Variants in CSMD1 observed in about 807,000 individuals in gnomAD.
The protein encoded by CSMD1 is CUB and sushi domain-containing protein 1.
CSMD1 carries 213 observed loss-of-function variants against 417.5 expected under a neutral mutation model. The observed-to-expected ratio is 0.51, with a 90% CI of 0.46 to 0.57. The LOEUF is 0.57. CSMD1 is among the 20% of genes least tolerant of loss of function. CSMD1 has a pLI of 0.00. For synonymous variants in CSMD1, 2,862 were observed against 1,736.8 expected (o/e 1.65, Z -16.11); for missense variants, 6,923 against 4,529.7 (o/e 1.53, Z -15.17).
In CSMD1 at chr8:3,881,992, G is replaced by A. The variant is rs964540397; in HGVS notation, c.818+115911C>T. Among the ~76,000 whole-genome samples the A allele has an allele frequency of 6.6e-5, 10 of 152,142 alleles. No homozygotes were observed. The East Asian group carries it at 9.7e-4, about 15-fold the overall frequency. ...AAACAAATTTCCAATAACCAATCACGAGAGAATATTCTACGATGTCTGATG... is the reference window on the plus strand; with the variant it reads ...AAACAAATTTCCAATAACCAATCACAAGAGAATATTCTACGATGTCTGATG... On this transcript the variant is annotated intron_variant, in intron 5 of 69. Coordinates refer to ENST00000635120, the MANE Select transcript of CSMD1 (RefSeq NM_033225.6).
intron 53 of CSMD1, among the ~76,000 whole-genome samples, chr8:2,999,154 C>CTTTTT (rs33927768): frequency 1.7e-5 from 2 of 116,452 alleles, no homozygotes; most frequent in Non-Finnish European, 3.5e-5. Context: ...TTTTTTTTCC[C>CTTTTT]TTTTTTTTTT....
intron 8 of CSMD1, among the ~76,000 whole-genome samples, chr8:3,603,877 G>C (rs376695554): frequency 1.3e-5 from 2 of 152,112 alleles, no homozygotes; most frequent in Non-Finnish European, 2.9e-5. Context: ...AAATGATCTA[G>C]CAAATGGCCA....
intron 6 of CSMD1, among the ~76,000 whole-genome samples, chr8:3,746,177 T>A (rs1292008058): frequency 6.6e-6 from 1 of 152,230 alleles, no homozygotes; most frequent in African/African-American, 2.4e-5. Flanking sequence ...GCTGATACGC[T>A]GAAAAGAATA....
chr8:3,918,534 T>A (rs539107296), intron 5 of CSMD1, among the ~76,000 whole-genome samples: 3 of 152,170 alleles, frequency 2.0e-5, no homozygotes, highest in Non-Finnish European at 2.9e-5. Flanking sequence ...TTTTAATTTT[T>A]AATTTGTTTT....
chr8:4,167,153 T>C lies in CSMD1; in HGVS notation c.416-135054A>G, dbSNP rs1307580791. Among the ~76,000 whole-genome samples, 3 of 152,170 alleles carry C rather than the reference T, an allele frequency of 2.0e-5. No individual in the cohort carries two copies. In the South Asian group the frequency reaches 6.2e-4, roughly 32 times the overall value. On this transcript the variant is annotated intron_variant, in intron 3 of 69. Coordinates refer to ENST00000635120, the MANE Select transcript of CSMD1 (RefSeq NM_033225.6). ...GTTACTTAGGTGACATTTTTTTTTC[T>C]ACCTACTTCTGAAGTAGAAAACCAG...
At chr8:4,408,725 C>T (rs923715097) in intron 3 of CSMD1, among the ~76,000 whole-genome samples, 2 of 152,054 alleles carry the variant, frequency 1.3e-5, no homozygotes, top group Non-Finnish European at 2.9e-5. Context: ...GAATATGAAC[C>T]TTGTAGAGGT....
At chr8:4,375,138 T>C (rs149049335) in intron 3 of CSMD1, among the ~76,000 whole-genome samples, 1 of 152,180 alleles carries the variant, frequency 6.6e-6, no homozygotes, top group African/African-American at 2.4e-5. Context: ...CAACTGTAGA[T>C]AGGTGAAAAT....
intron 6 of CSMD1, among the ~76,000 whole-genome samples, chr8:3,739,838 A>C (rs1294905600): frequency 6.6e-6 from 1 of 152,210 alleles, no homozygotes; most frequent in African/African-American, 2.4e-5. Context: ...CAGACATTTT[A>C]CATTTGGGAC....
At chr8:3,947,824 G>C (rs1811337576) in intron 5 of CSMD1, among the ~76,000 whole-genome samples, 1 of 152,116 alleles carries the variant, frequency 6.6e-6, no homozygotes, top group Non-Finnish European at 1.5e-5. Flanking sequence ...GGTTCAAGTA[G>C]GTCACATTTG....
chr8:3,318,737 G>A (rs537751430), intron 23 of CSMD1, among the ~76,000 whole-genome samples: 1 of 152,118 alleles, frequency 6.6e-6, no homozygotes, highest in Non-Finnish European at 1.5e-5. Context: ...TAGCTGGAGT[G>A]TCACGGTTCC....
chr8:4,032,118 A>AAAAGT lies in CSMD1; in HGVS notation c.416-20_416-19insACTTT. ...GGTAAAACTATTGGAAAAAGAAAAG[A>AAAAGT]AAGGAGAAAAAACAAGTTAAATTTT... is the stretch of plus-strand genomic sequence containing the variant. On this transcript the variant is annotated intron_variant, in intron 3 of 69. Transcript: ENST00000635120. 1 of 1,572,450 alleles carries AAAAGT rather than the reference A, an allele frequency of 6.4e-7. No individual in the cohort carries two copies. Among genetic ancestry groups the AAAAGT allele is most frequent in the Non-Finnish European group, 8.7e-7 (1 of 1,152,362 alleles).
intron 2 of CSMD1, among the ~76,000 whole-genome samples, chr8:4,634,588 A>G (rs1296905843): frequency 6.6e-6 from 1 of 152,178 alleles, no homozygotes; most frequent in Non-Finnish European, 1.5e-5. Flanking sequence ...CAGCTCCTAC[A>G]TCAATCCTCC....
chr8:4,755,604 G>C (rs935849698), intron 1 of CSMD1, among the ~76,000 whole-genome samples: 1 of 152,080 alleles, frequency 6.6e-6, no homozygotes, highest in African/African-American at 2.4e-5. Context: ...TTATCAGATG[G>C]AAAGTTACTT....
At chr8:4,296,598 C>G (rs914185375) in intron 3 of CSMD1, among the ~76,000 whole-genome samples, 1 of 125,180 alleles carries the variant, frequency 8.0e-6, no homozygotes, top group African/African-American at 2.9e-5. Flanking sequence ...GGTACATTTA[C>G]TTCATATTTT....
intron 30 of CSMD1, among the ~76,000 whole-genome samples, chr8:3,211,725 T>C (rs1797620453): frequency 6.6e-6 from 1 of 152,208 alleles, no homozygotes; most frequent in South Asian, 2.1e-4. Flanking sequence ...AGTGCTGCCG[T>C]TGGCTCACAA....
chr8:4,808,638 T>C (rs971327265), intron 1 of CSMD1, among the ~76,000 whole-genome samples: 2 of 152,188 alleles, frequency 1.3e-5, no homozygotes, highest in African/African-American at 4.8e-5. Context: ...CCAGCAATCA[T>C]ACCAACAGCC....
At chr8:3,343,216 A>G in intron 23 of CSMD1, 78 bp downstream of exon 23, 2 of 1,292,968 alleles carry the variant, frequency 1.5e-6, no homozygotes, top group South Asian at 2.6e-5. Flanking sequence ...ATCAATATTT[A>G]AAACTTAATA....
At chr8:4,553,525 T>G (rs1008870188) in intron 2 of CSMD1, among the ~76,000 whole-genome samples, 3 of 152,122 alleles carry the variant, frequency 2.0e-5, no homozygotes, top group Admixed American at 6.6e-5. Context: ...AGAGTTTTGA[T>G]GTTCTTTATG....
intron 5 of CSMD1, among the ~76,000 whole-genome samples, chr8:3,757,882 A>G (rs1308818350): frequency 6.6e-6 from 1 of 151,808 alleles, no homozygotes; most frequent in South Asian, 2.1e-4. Context: ...AAAAACCAAC[A>G]ACAAAAACAC....
Sources: gnomAD v4.1 joint callset for allele counts (sites outside exome capture counted in the v4.1 genomes callset) on GRCh38, gnomAD v4.1.1 for gene constraint, MANE v1.5 for transcripts, NCBI Gene and HGNC (gene_info 2026-07-23, HGNC 2026-07-21) for gene names.